NTN1: variants seen among roughly 807,000 people sequenced by gnomAD.
The protein encoded by NTN1 is netrin-1.
NTN1 carries 11 observed loss-of-function variants against 54.2 expected under a neutral mutation model. The ratio of observed to expected loss-of-function variants is 0.20; its 90% CI spans 0.13 to 0.34. The LOEUF is 0.34. NTN1 is among the 10% of genes least tolerant of loss of function. The pLI is 1.00. For synonymous variants in NTN1, 371 were observed against 382.0 expected (o/e 0.97, Z 0.33); for missense variants, 740 against 893.1 (o/e 0.83, Z 2.18).
At chr17:9,126,297 T>G (rs2092246810) in intron 2 of NTN1, among the ~76,000 whole-genome samples, 1 of 152,066 alleles carries the variant, frequency 6.6e-6, no homozygotes, top group African/African-American at 2.4e-5. Flanking sequence ...TCACCTGAGG[T>G]CAGGAGTTCG....
chr17:9,173,167 C>T (rs999623660), intron 3 of NTN1: 1 of 152,484 alleles, frequency 6.6e-6, no homozygotes, highest in Non-Finnish European at 1.5e-5. Context: ...TGCCCTGCCC[C>T]CAAAAGCCCT....
At chr17:9,052,266 C>T (rs1332784851) in intron 2 of NTN1, among the ~76,000 whole-genome samples, 4 of 152,188 alleles carry the variant, frequency 2.6e-5, no homozygotes, top group East Asian at 3.9e-4. Context: ...CCACCACTCC[C>T]GGCCCCAAAG....
At chr17:9,148,620 C>T (rs1046798618) in intron 2 of NTN1, among the ~76,000 whole-genome samples, 8 of 152,004 alleles carry the variant, frequency 5.3e-5, no homozygotes, top group African/African-American at 1.7e-4. Flanking sequence ...CCTGGCAACC[C>T]GAGTCTAGTC....
intron 2 of NTN1, among the ~76,000 whole-genome samples, chr17:9,157,771 G>A (rs1041836458): frequency 1.3e-5 from 2 of 152,190 alleles, no homozygotes; most frequent in African/African-American, 4.8e-5. Context: ...GCCCCTGCTG[G>A]TCCCTCAAGA....
At chr17:9,035,228 G>A (rs1409838802) in intron 2 of NTN1, among the ~76,000 whole-genome samples, 1 of 152,252 alleles carries the variant, frequency 6.6e-6, no homozygotes, top group Non-Finnish European at 1.5e-5. Flanking sequence ...TTACAGGCAT[G>A]AGCCACCGTG....
chr17:9,193,928 A>AAAAAAAAAACAAAACAAC (rs1904543278), intron 5 of NTN1, among the ~76,000 whole-genome samples: 1 of 137,102 alleles, frequency 7.3e-6, no homozygotes, highest in African/African-American at 2.7e-5. Flanking sequence ...ACTAAAAAAA[A>AAAAAAAAAACAAAACAAC]AAAAAAAAAA....
At chr17:9,107,524 G>T (rs1352891968) in intron 2 of NTN1, among the ~76,000 whole-genome samples, 3 of 152,222 alleles carry the variant, frequency 2.0e-5, no homozygotes, top group Non-Finnish European at 4.4e-5. Context: ...CACTGACTTA[G>T]ACCCCTGGCT....
intron 2 of NTN1, among the ~76,000 whole-genome samples, chr17:9,072,058 G>C (rs2092033691): frequency 6.6e-6 from 1 of 152,168 alleles, no homozygotes; most frequent in Non-Finnish European, 1.5e-5. Flanking sequence ...GGAAGCCGGG[G>C]CTGGGAGTAG....
chr17:9,097,286 C>T (rs769982609), intron 2 of NTN1, among the ~76,000 whole-genome samples: 2 of 152,152 alleles, frequency 1.3e-5, no homozygotes, highest in South Asian at 2.1e-4. Context: ...CATTTTGTGT[C>T]CTTCCAGACC....
chr17:9,179,869 C>G lies in NTN1; in HGVS notation c.1270C>G (p.Pro424Ala), dbSNP rs2092413253. 6.2e-7 allele frequency: 1 copy of G among 1,614,024 alleles called. No individual in the cohort carries two copies. The highest frequency in any genetic ancestry group is 8.5e-7 in the Non-Finnish European group (1 of 1,180,044). The change falls in exon 4 of 7, where the codon CCC (proline) becomes GCC (alanine). Residue 424 changes from proline (P) to alanine (A), a missense_variant. Physicochemically the swap from Pro to Ala is conservative, Grantham distance 27 (BLOSUM62 -1). Transcript: ENST00000173229. ...CTGCAACCAAACCACCGGCCAGTGTCCCTGCAAGGACGGCGTGACGGGTAT... is the reference window on the plus strand; with the variant it reads ...CTGCAACCAAACCACCGGCCAGTGTGCCTGCAAGGACGGCGTGACGGGTAT... Reference protein sequence around the residue: ...KTCNQTTGQCPCKDGVTGITC... With the variant: ...KTCNQTTGQCACKDGVTGITC...
At chr17:9,181,396 G>A (rs1315833840) in intron 4 of NTN1, among the ~76,000 whole-genome samples, 1 of 152,212 alleles carries the variant, frequency 6.6e-6, no homozygotes, top group Non-Finnish European at 1.5e-5. Flanking sequence ...CAATGACTCT[G>A]TGGCCATTGG....
intron 5 of NTN1, among the ~76,000 whole-genome samples, chr17:9,187,762 T>C (rs927037865): frequency 6.7e-6 from 1 of 148,488 alleles, no homozygotes; most frequent in Non-Finnish European, 1.5e-5. Flanking sequence ...GCCCAGGAGG[T>C]TGAGGCTGCA....
intron 5 of NTN1, among the ~76,000 whole-genome samples, chr17:9,194,614 A>C (rs935286509): frequency 2.6e-5 from 4 of 151,812 alleles, no homozygotes; most frequent in Admixed American, 1.3e-4. Flanking sequence ...GCCTCTTCCT[A>C]CTGGATGCCA....
At chr17:9,167,836 T>C (rs1337376539) in intron 3 of NTN1, among the ~76,000 whole-genome samples, 6 of 152,350 alleles carry the variant, frequency 3.9e-5, no homozygotes, top group Non-Finnish European at 8.8e-5. Flanking sequence ...TTCGTGATTC[T>C]CCACCTTCAC....
chr17:9,108,733 A>T (rs2092178241), intron 2 of NTN1, among the ~76,000 whole-genome samples: 1 of 152,184 alleles, frequency 6.6e-6, no homozygotes, highest in African/African-American at 2.4e-5. Flanking sequence ...AGGTGTCCCA[A>T]GGCTGGCTGG....
At chr17:9,051,034 T>TACA (rs1340000436) in intron 2 of NTN1, among the ~76,000 whole-genome samples, 2 of 152,246 alleles carry the variant, frequency 1.3e-5, no homozygotes, top group East Asian at 3.9e-4. Flanking sequence ...AGAAAAGGTG[T>TACA]GTCCTGGGAG....
intron 2 of NTN1, among the ~76,000 whole-genome samples, chr17:9,150,932 G>A (rs996999372): frequency 2.6e-5 from 4 of 152,308 alleles, no homozygotes; most frequent in East Asian, 3.9e-4. Flanking sequence ...TTGGAGAGCC[G>A]AGCCCGTGAC....
At chr17:9,064,792 G>A (rs2142210425) in intron 2 of NTN1, among the ~76,000 whole-genome samples, 1 of 151,984 alleles carries the variant, frequency 6.6e-6, no homozygotes, top group South Asian at 2.1e-4. Context: ...TTGAGACAGG[G>A]TCTTGCTTTG....
intron 2 of NTN1, among the ~76,000 whole-genome samples, chr17:9,098,316 T>G (rs1041573241): frequency 6.6e-6 from 1 of 152,358 alleles, no homozygotes; most frequent in Admixed American, 6.5e-5. Flanking sequence ...GTGCAGGGTC[T>G]CCAGCAGTGC....
Sources: gnomAD v4.1 joint callset for allele counts (sites outside exome capture counted in the v4.1 genomes callset) on GRCh38, gnomAD v4.1.1 for gene constraint, MANE v1.5 for transcripts, NCBI Gene and HGNC (gene_info 2026-07-23, HGNC 2026-07-21) for gene names.